Variants in TIAM2 observed in about 807,000 individuals in gnomAD.
The protein encoded by TIAM2 is rho guanine nucleotide exchange factor TIAM2.
Under a neutral mutation model 152.9 loss-of-function variants are expected in TIAM2, and 80 were observed. The ratio of observed to expected loss-of-function variants is 0.52; its 90% confidence interval spans 0.44 to 0.63. The LOEUF is 0.63. Among genes scored for constraint, TIAM2 ranks in the 30% least tolerant of loss-of-function variants. The pLI is 0.00. For missense variants in TIAM2, 1,965 were observed against 2,120.1 expected, an observed-to-expected ratio of 0.93 and a Z score of 1.44; for synonymous variants, 804 against 838.0, an observed-to-expected ratio of 0.96 and a Z score of 0.70.
At chr6:155,001,068 C>T (rs1778305189) in intron 1 of TIAM2, among the ~76,000 whole-genome samples, 1 of 152,132 alleles carries the variant, frequency 6.6e-6, no homozygotes, top group Admixed American at 6.5e-5. Flanking sequence ...GAAAGAAAGT[C>T]AGTGGTAACA....
intron 1 of TIAM2, among the ~76,000 whole-genome samples, chr6:155,015,403 G>A (rs773355403): frequency 2.0e-5 from 3 of 152,094 alleles, no homozygotes; most frequent in Non-Finnish European, 4.4e-5. Flanking sequence ...AGACAGGTCT[G>A]GGCTGGGTAT....
intron 9 of TIAM2, chr6:155,168,964 C>G (rs1780509106): frequency 1.4e-6 from 2 of 1,405,852 alleles, no homozygotes; most frequent in Non-Finnish European, 1.9e-6. Flanking sequence ...ATGAATGACA[C>G]AAATGCTAAC....
chr6:155,116,522 T>C (rs1314944338), intron 2 of TIAM2, among the ~76,000 whole-genome samples: 1 of 152,238 alleles, frequency 6.6e-6, no homozygotes, highest in Non-Finnish European at 1.5e-5. Context: ...TTAACTTAAA[T>C]GAAACAGTGC....
intron 2 of TIAM2, among the ~76,000 whole-genome samples, chr6:155,106,552 ATAT>A (rs1778694557): frequency 6.6e-6 from 1 of 152,208 alleles, no homozygotes. Flanking sequence ...GCAAATCATG[ATAT>A]TATTTTTAAG....
At chr6:155,240,387 G>A (rs1782969368) in intron 15 of TIAM2, 143 bp from the exon 16 acceptor site, 2 of 753,368 alleles carry the variant, frequency 2.7e-6, no homozygotes, top group Non-Finnish European at 4.0e-6. Context: ...AGGGGTTTGA[G>A]GTGAATGAAA....
chr6:155,182,159 C>T (rs777085721), intron 12 of TIAM2, 67 bp from the exon 13 acceptor site: 51 of 1,280,214 alleles, frequency 4.0e-5, no homozygotes, highest in East Asian at 2.1e-4. Context: ...GAGATACTGC[C>T]GGTGTGGTTG....
At chr6:155,004,505 C>T (rs940127488) in intron 1 of TIAM2, among the ~76,000 whole-genome samples, 1 of 152,156 alleles carries the variant, frequency 6.6e-6, no homozygotes, top group Non-Finnish European at 1.5e-5. Context: ...ATTCTCCTGC[C>T]TCAGCCTCCC....
intron 2 of TIAM2, among the ~76,000 whole-genome samples, chr6:155,127,205 A>G (rs970162682): frequency 6.6e-6 from 1 of 152,220 alleles, no homozygotes; most frequent in Non-Finnish European, 1.5e-5. Context: ...ATGGTGACAG[A>G]TGAGCCACGC....
intron 15 of TIAM2, among the ~76,000 whole-genome samples, chr6:155,217,720 CAG>C (rs1781896825): frequency 6.6e-6 from 1 of 152,176 alleles, no homozygotes; most frequent in Non-Finnish European, 1.5e-5. Flanking sequence ...GTTGATAGAA[CAG>C]AGAGCATTGA....
At position 155,150,189 on chromosome 6, in the gene TIAM2, G is replaced by C. The variant is rs116782440; in HGVS notation, c.2028+1855G>C. Among the ~76,000 whole-genome samples the C allele has an allele frequency of 1.6e-3, 244 of 152,154 alleles. 1 individual carries two copies. Among genetic ancestry groups the C allele is most frequent in the African/African-American group, 5.6e-3 (233 of 41,506 alleles). On this transcript the variant is annotated intron_variant, in intron 7 of 26. Coordinates refer to ENST00000682666, the MANE Select transcript of TIAM2 (RefSeq NM_012454.4). The stretch of plus-strand genomic sequence containing the variant: ...TATTTTCCCATCTGCAAATACTGGT[G>C]TACCTAATAGATGCACCTGGCTTAA...
chr6:155,203,261 A>G (rs1299155286), intron 14 of TIAM2, among the ~76,000 whole-genome samples: 1 of 152,150 alleles, frequency 6.6e-6, no homozygotes, highest in Non-Finnish European at 1.5e-5. Flanking sequence ...CCAAATTTTA[A>G]TCTTTTCTTA....
intron 15 of TIAM2, among the ~76,000 whole-genome samples, chr6:155,220,125 G>A (rs546246975): frequency 6.6e-6 from 1 of 152,326 alleles, no homozygotes; most frequent in South Asian, 2.1e-4. Context: ...TAAAAAGTGG[G>A]CAGTGGGGCT....
chr6:155,061,359 G>A (rs1777576399), intron 1 of TIAM2, among the ~76,000 whole-genome samples: 1 of 148,892 alleles, frequency 6.7e-6, no homozygotes. Context: ...ACATGTATCT[G>A]TATTTTTTGT....
chr6:155,227,047 C>T (rs183605754), intron 15 of TIAM2, among the ~76,000 whole-genome samples: 60 of 152,340 alleles, frequency 3.9e-4, no homozygotes, highest in Admixed American at 2.3e-3. Context: ...AGGATTTTCC[C>T]TCCTGCTCTA....
At chr6:155,157,370 A>T (rs769568821) in intron 7 of TIAM2, among the ~76,000 whole-genome samples, 26 of 152,168 alleles carry the variant, frequency 1.7e-4, no homozygotes, top group Non-Finnish European at 2.5e-4. Flanking sequence ...TAACTCTGCA[A>T]GGTAAAGATG....
At chr6:155,245,769 T>TTTGCA in intron 19 of TIAM2, 38 bp downstream of exon 19, 3 of 1,440,496 alleles carry the variant, frequency 2.1e-6, no homozygotes, top group Non-Finnish European at 2.8e-6. Flanking sequence ...TTTTTTTTTT[T>TTTGCA]TGCATTTTTA....
chr6:155,043,476 A>G (rs1777092644), intron 1 of TIAM2, among the ~76,000 whole-genome samples: 1 of 151,906 alleles, frequency 6.6e-6, no homozygotes, highest in African/African-American at 2.4e-5. Flanking sequence ...TACCAGAAAC[A>G]AAACAAACTT....
intron 2 of TIAM2, among the ~76,000 whole-genome samples, chr6:155,120,919 G>T (rs1237548605): frequency 6.6e-6 from 1 of 152,146 alleles, no homozygotes; most frequent in Admixed American, 6.5e-5. Context: ...AGTTCAATGC[G>T]CATTCAGGTT....
At chr6:155,115,845 G>T (rs375709268) in intron 2 of TIAM2, among the ~76,000 whole-genome samples, 1 of 152,206 alleles carries the variant, frequency 6.6e-6, no homozygotes, top group Non-Finnish European at 1.5e-5. Context: ...TTGGTCAGGC[G>T]TGGTGGCTCA....
Sources: allele counts gnomAD v4.1 joint callset (sites outside exome capture counted in the v4.1 genomes callset), GRCh38; gene constraint gnomAD v4.1.1; transcripts MANE v1.5; gene names NCBI Gene and HGNC (gene_info 2026-07-23, HGNC 2026-07-21).